The following COL18A1 variants were observed in gnomAD, a reference collection of about 807,000 sequenced individuals.
COL18A1 encodes the protein collagen type XVIII alpha 1 chain.
In COL18A1, 133 loss-of-function variants were observed where a neutral mutation model predicts 168.0. That is an observed-to-expected ratio of 0.79 (90% CI 0.69 to 0.91). The LOEUF (loss-of-function observed/expected upper bound fraction) is 0.91. Ranked by LOEUF, COL18A1 falls within the 40% of genes least tolerant of loss-of-function variation. The pLI, the probability that COL18A1 is intolerant of heterozygous loss-of-function variation, is 0.00. For synonymous variants in COL18A1, 949 were observed against 809.0 expected (o/e 1.17, Z -2.94); for missense variants, 2,126 against 1,925.4 (o/e 1.10, Z -1.95).
At chr21:45,496,100 T>C in intron 29 of COL18A1, 1 of 353,074 alleles carries the variant, frequency 2.8e-6, no homozygotes, top group Non-Finnish European at 5.5e-6. Flanking sequence ...ATGCCCTCCA[T>C]GCCCTCCATG....
rs2146021001 is a variant in COL18A1 at position 45,498,692 on chromosome 21, C to T, written c.2683+1031C>T. 1 of 652,954 alleles carries T rather than the reference C, an allele frequency of 1.5e-6. No homozygotes were observed. The highest frequency in any genetic ancestry group is 2.8e-6 in the Non-Finnish European group (1 of 355,598). 40.4% of individuals were successfully genotyped at this position (652,954 alleles called of 1,614,324 possible). Reference sequence around the variant, plus strand: ...GCCAGCCTTGGATCTCTCAGCGTCACACACGACGCCCAGGAAGGAGTGAAT... The same window carrying T: ...GCCAGCCTTGGATCTCTCAGCGTCATACACGACGCCCAGGAAGGAGTGAAT... On this transcript the variant is annotated intron_variant, in intron 32 of 41. Transcript: ENST00000651438. This position sits in a 1 kb window ranked among gnomAD's most constrained non-coding sequence, Gnocchi z 4.5.
At chr21:45,430,035 A>C in intron 2 of COL18A1, among the ~76,000 whole-genome samples, 1 of 139,520 alleles carries the variant, frequency 7.2e-6, no homozygotes, top group African/African-American at 2.8e-5. Flanking sequence ...CCGTCTCCCT[A>C]GCGTTCTCTC....
chr21:45,412,298 G>A (rs532498850), intron 2 of COL18A1, among the ~76,000 whole-genome samples: 7 of 150,530 alleles, frequency 4.7e-5, no homozygotes, highest in African/African-American at 7.3e-5. Flanking sequence ...GTGCAGTGGC[G>A]TGATCTTGGC....
intron 6 of COL18A1, 116 bp from the exon 7 acceptor site, chr21:45,477,295 C>A: frequency 1.3e-6 from 1 of 778,516 alleles, no homozygotes. Flanking sequence ...CTGACAGTGT[C>A]CAGCCGGGCT....
At chr21:45,434,898 G>A (rs1405855637) in intron 2 of COL18A1, among the ~76,000 whole-genome samples, 1 of 152,154 alleles carries the variant, frequency 6.6e-6, no homozygotes, top group East Asian at 1.9e-4. Flanking sequence ...GCCGGTCCTA[G>A]ACCAGGCCCT....
At chr21:45,456,395 CTG>C in intron 2 of COL18A1, 1 of 1,547,940 alleles carries the variant, frequency 6.5e-7, no homozygotes, top group Non-Finnish European at 8.7e-7. Context: ...CCCGGGCGCA[CTG>C]TCTCAGGTCG....
In COL18A1 at chr21:45,457,971, G is replaced by T. The variant is rs994024412; in HGVS notation, c.107-10271G>T. 7.2e-5 allele frequency among the ~76,000 whole-genome samples: 11 copies of T among 152,152 alleles called. No homozygotes were observed. Among genetic ancestry groups the T allele is most frequent in the African/African-American group, 2.7e-4 (11 of 41,432 alleles). On this transcript the variant is annotated intron_variant, in intron 2 of 41. Transcript: ENST00000651438. This position sits in a 1 kb window ranked among gnomAD's most constrained non-coding sequence, Gnocchi z 4.6. ...TTCAGGCCAGTGACCGTTTCTCTCA[G>T]CAAAGCCCAGAGCCTCTGCAGACCC...
intron 34 of COL18A1, among the ~76,000 whole-genome samples, chr21:45,504,852 C>T (rs936858967): frequency 6.6e-6 from 1 of 152,126 alleles, no homozygotes; most frequent in African/African-American, 2.4e-5. Flanking sequence ...GGTTTAGGCC[C>T]ATCAGTCCTG....
chr21:45,416,534 T>G (rs889887186), intron 2 of COL18A1, among the ~76,000 whole-genome samples: 1 of 152,084 alleles, frequency 6.6e-6, no homozygotes, highest in Non-Finnish European at 1.5e-5. Flanking sequence ...CTCCTGGGCC[T>G]CGGTCCGTCC....
At chr21:45,494,640 C>G in intron 27 of COL18A1, 69 bp downstream of exon 27, 1 of 1,602,836 alleles carries the variant, frequency 6.2e-7, no homozygotes, top group Non-Finnish European at 8.5e-7. Context: ...CGGTCGCCCG[C>G]GGCTGCTGAG....
chr21:45,428,460 T>C (rs1225521296), intron 2 of COL18A1, among the ~76,000 whole-genome samples: 2 of 152,230 alleles, frequency 1.3e-5, no homozygotes, highest in African/African-American at 4.8e-5. Flanking sequence ...TTGGATTCTT[T>C]AACTTTTTTA....
At chr21:45,482,225 G>A (rs2035924337) in intron 14 of COL18A1, 200 bp downstream of exon 14, 2 of 624,224 alleles carry the variant, frequency 3.2e-6, no homozygotes, top group Non-Finnish European at 5.8e-6. Context: ...ATAACCCTGT[G>A]ATGATGAGTG....
intron 32 of COL18A1, among the ~76,000 whole-genome samples, chr21:45,501,125 T>C (rs991258139): frequency 2.0e-5 from 3 of 151,074 alleles, no homozygotes; most frequent in East Asian, 3.9e-4. Flanking sequence ...TGTGTGTGTG[T>C]GCAAAGTATA....
At chr21:45,493,387 T>C (rs2036426483) in intron 25 of COL18A1, 114 bp from the exon 26 acceptor site, 3 of 1,290,228 alleles carry the variant, frequency 2.3e-6, no homozygotes, top group Non-Finnish European at 2.2e-6. Context: ...TCACCTCCCG[T>C]GAAAGGACCC....
At chr21:45,437,660 A>ACACT (rs1569288346) in intron 2 of COL18A1, among the ~76,000 whole-genome samples, 1 of 63,594 alleles carries the variant, frequency 1.6e-5, no homozygotes, top group Non-Finnish European at 2.9e-5. Context: ...CTGCACACAC[A>ACACT]CACACTCAGA....
chr21:45,440,946 C>T (rs73909525), intron 2 of COL18A1, among the ~76,000 whole-genome samples: 1 of 152,308 alleles, frequency 6.6e-6, no homozygotes, highest in East Asian at 1.9e-4. Context: ...CGTTATCGTG[C>T]GTGGGAACCA....
At position 45,405,371 on chromosome 21, in the gene COL18A1, C is replaced by A; in HGVS notation, c.12-8C>A. 1 of 1,129,058 alleles carries A rather than the reference C, an allele frequency of 8.9e-7. No homozygotes were observed. The highest frequency in any genetic ancestry group is 1.1e-6 in the Non-Finnish European group (1 of 935,508). 69.9% of individuals were successfully genotyped at this position (1,129,058 alleles called of 1,614,324 possible). On this transcript the variant is annotated splice_polypyrimidine_tract_variant and splice_region_variant and intron_variant, in intron 1 of 41. Coordinates refer to ENST00000651438, the MANE Select transcript of COL18A1 (RefSeq NM_001379500.1). Reference sequence around the variant, plus strand: ...CTGCGGGGTCTGACCCGTGCCTGTCCCGCGCAGGTGCCCCTGGCCATGGCC... The same window carrying A: ...CTGCGGGGTCTGACCCGTGCCTGTCACGCGCAGGTGCCCCTGGCCATGGCC...
At chr21:45,479,597 C>T (rs1419437879) in intron 9 of COL18A1, among the ~76,000 whole-genome samples, 4 of 145,444 alleles carry the variant, frequency 2.8e-5, no homozygotes, top group African/African-American at 7.6e-5. Flanking sequence ...ACACACCATG[C>T]ATACCACACA....
At chr21:45,431,992 G>A (rs1017468689) in intron 2 of COL18A1, among the ~76,000 whole-genome samples, 3 of 152,146 alleles carry the variant, frequency 2.0e-5, no homozygotes, top group Non-Finnish European at 4.4e-5. Context: ...CTACTTTCCC[G>A]GCCCACATCC....
Sources: gnomAD v4.1 joint callset for allele counts (sites outside exome capture counted in the v4.1 genomes callset) on GRCh38, gnomAD v4.1.1 for gene constraint, Gnocchi (gnomAD v3.1) non-coding constraint, MANE v1.5 for transcripts, NCBI Gene and HGNC (gene_info 2026-07-23, HGNC 2026-07-21) for gene names.